SOBP: variants seen among roughly 807,000 people sequenced by gnomAD.
SOBP encodes the protein sine oculis-binding protein homolog.
A neutral mutation model predicts 53.6 loss-of-function variants in SOBP; 4 were observed. That is an observed-to-expected ratio of 0.07 (90% CI 0.04 to 0.17). SOBP has a LOEUF of 0.17. Ranked by LOEUF, SOBP falls within the 10% of genes least tolerant of loss-of-function variation. SOBP has a pLI of 1.00. For synonymous variants in SOBP, 584 were observed against 522.6 expected (o/e 1.12, Z -1.60); for missense variants, 1,088 against 1,204.7 (o/e 0.90, Z 1.43).
intron 5 of SOBP, among the ~76,000 whole-genome samples, chr6:107,605,715 A>G (rs1041064689): frequency 1.3e-5 from 2 of 152,304 alleles, no homozygotes; most frequent in Admixed American, 1.3e-4. Context: ...TACAGCTCTC[A>G]TGGCTGTGGC....
chr6:107,640,433 C>T (rs1407785244), intron 6 of SOBP, among the ~76,000 whole-genome samples: 1 of 152,168 alleles, frequency 6.6e-6, no homozygotes, highest in Non-Finnish European at 1.5e-5. Context: ...GTTAGCTTGT[C>T]TGTTGGGATG....
At chr6:107,537,872 G>A (rs1784047175) in intron 4 of SOBP, among the ~76,000 whole-genome samples, 1 of 151,642 alleles carries the variant, frequency 6.6e-6, no homozygotes, top group Non-Finnish European at 1.5e-5. Context: ...TGATATTGTG[G>A]TTCCCCAGCA....
intron 6 of SOBP, among the ~76,000 whole-genome samples, chr6:107,649,423 G>T (rs1025276926): frequency 1.3e-4 from 20 of 151,984 alleles, no homozygotes; most frequent in Admixed American, 5.9e-4. Flanking sequence ...GCTGCAGTGA[G>T]CCATGATGGT....
In SOBP at chr6:107,634,967, C is replaced by G; in HGVS notation, c.2123C>G (p.Pro708Arg). The G allele has an allele frequency of 9.8e-7, 1 of 1,016,954 alleles. No homozygotes were observed. The highest frequency in any genetic ancestry group is 1.2e-6 in the Non-Finnish European group (1 of 853,066). 63.0% of individuals were successfully genotyped at this position (1,016,954 alleles called of 1,614,324 possible). A position where few individuals can be genotyped will look rare whatever the true frequency, so the allele number is the denominator to read the frequency against. Residue 708 changes from proline (P) to arginine (R), a missense_variant, in exon 6 of 7, where the codon CCG becomes CGG. Coordinates refer to ENST00000317357, the MANE Select transcript of SOBP (RefSeq NM_018013.4). This position sits in a 1 kb window ranked among gnomAD's most constrained non-coding sequence, Gnocchi z 4.5. ...CSPPAAGDPG[P>R]GAPAGPEAAA... Reference sequence around the variant, plus strand: ...CCGCCCGCCGCCGGCGACCCAGGCCCGGGCGCCCCGGCGGGCCCCGAGGCG... The same window carrying G: ...CCGCCCGCCGCCGGCGACCCAGGCCGGGGCGCCCCGGCGGGCCCCGAGGCG...
chr6:107,505,109 A>G (rs1782945168), intron 2 of SOBP, among the ~76,000 whole-genome samples: 1 of 152,050 alleles, frequency 6.6e-6, no homozygotes, highest in Admixed American at 6.5e-5. Context: ...TTTAATGGGT[A>G]TTATCGATAC....
intron 4 of SOBP, among the ~76,000 whole-genome samples, chr6:107,545,959 G>T (rs1257942087): frequency 6.6e-6 from 1 of 152,134 alleles, no homozygotes. Flanking sequence ...ATATACCTCT[G>T]AGCCAAAAAC....
In SOBP at chr6:107,509,410, AC is replaced by A. The variant is rs749849089; in HGVS notation, c.421+2984del. Among the ~76,000 whole-genome samples the A allele has an allele frequency of 6.0e-4, 91 of 151,040 alleles. No homozygotes were observed. In the East Asian group the frequency reaches 6.4e-3, roughly 11 times the overall value. On this transcript the variant is annotated intron_variant, in intron 3 of 6. Transcript: ENST00000317357. Reference sequence around the variant, plus strand: ...ACTCCTGTCTCAAAAAAAAAAAAAAACAAAACAAAAAAGAAAATGTGTGTAA... The same window carrying A: ...ACTCCTGTCTCAAAAAAAAAAAAAAAAAAACAAAAAAGAAAATGTGTGTAA...
At chr6:107,505,569 C>T (rs1330912216) in intron 2 of SOBP, among the ~76,000 whole-genome samples, 2 of 151,920 alleles carry the variant, frequency 1.3e-5, no homozygotes, top group Admixed American at 6.6e-5. Flanking sequence ...GTGATTTGCC[C>T]GCCTTGGCTA....
intron 6 of SOBP, among the ~76,000 whole-genome samples, chr6:107,657,012 A>G (rs1772096209): frequency 6.6e-6 from 1 of 152,258 alleles, no homozygotes; most frequent in Admixed American, 6.5e-5. Flanking sequence ...GGGGCATGGC[A>G]GAAGAGAGGC....
At chr6:107,651,934 C>A (rs990278431) in intron 6 of SOBP, among the ~76,000 whole-genome samples, 6 of 152,214 alleles carry the variant, frequency 3.9e-5, no homozygotes, top group African/African-American at 1.4e-4. Context: ...ATATTTTAAA[C>A]CCACTGTTGA....
chr6:107,506,520 G>C, intron 3 of SOBP, 93 bp downstream of exon 3: 1 of 1,427,624 alleles, frequency 7.0e-7, no homozygotes, highest in African/African-American at 1.4e-5. Flanking sequence ...AGTTAACTTT[G>C]GTAGAGGCTG....
At chr6:107,493,494 C>G (rs998852801) in intron 1 of SOBP, among the ~76,000 whole-genome samples, 1 of 152,270 alleles carries the variant, frequency 6.6e-6, no homozygotes, top group East Asian at 1.9e-4. Context: ...GGAGGCCCCC[C>G]TTAGGGAGAT....
At chr6:107,615,013 G>T (rs143130895) in intron 5 of SOBP, among the ~76,000 whole-genome samples, 1 of 152,126 alleles carries the variant, frequency 6.6e-6, no homozygotes, top group East Asian at 1.9e-4. Flanking sequence ...ACCTACTGGC[G>T]TCTCTCTTTT....
chr6:107,629,151 C>T (rs1770591520), intron 5 of SOBP, among the ~76,000 whole-genome samples: 2 of 151,542 alleles, frequency 1.3e-5, no homozygotes, highest in Admixed American at 6.6e-5. Context: ...AGTAGACAGT[C>T]AGATGAAGTG....
At chr6:107,508,779 C>T (rs1242532958) in intron 3 of SOBP, among the ~76,000 whole-genome samples, 2 of 151,998 alleles carry the variant, frequency 1.3e-5, no homozygotes, top group East Asian at 1.9e-4. Context: ...CATTTATTTC[C>T]CAAGGACCAA....
intron 5 of SOBP, among the ~76,000 whole-genome samples, chr6:107,631,531 G>A (rs922105197): frequency 1.5e-4 from 23 of 151,906 alleles, no homozygotes; most frequent in African/African-American, 5.6e-4. Flanking sequence ...AAAATTTGAG[G>A]GTCTGATGGA....
At chr6:107,638,634 G>A (rs1363596612) in intron 6 of SOBP, among the ~76,000 whole-genome samples, 2 of 152,182 alleles carry the variant, frequency 1.3e-5, no homozygotes, top group Non-Finnish European at 1.5e-5. Context: ...TATGGCTTTT[G>A]TGCCCTGATG....
chr6:107,656,554 A>G (rs188038387), intron 6 of SOBP, among the ~76,000 whole-genome samples: 2 of 152,120 alleles, frequency 1.3e-5, no homozygotes, highest in Admixed American at 1.3e-4. Context: ...ATTTAATGTG[A>G]TTGGGGGAAC....
intron 4 of SOBP, among the ~76,000 whole-genome samples, chr6:107,573,090 G>A (rs1283156351): frequency 6.6e-6 from 1 of 152,164 alleles, no homozygotes; most frequent in Non-Finnish European, 1.5e-5. Flanking sequence ...TTTTGAGGGA[G>A]CGAAATGGAT....
Sources: gnomAD v4.1 joint callset for allele counts (sites outside exome capture counted in the v4.1 genomes callset) on GRCh38, gnomAD v4.1.1 for gene constraint, Gnocchi (gnomAD v3.1) non-coding constraint, MANE v1.5 for transcripts, NCBI Gene and HGNC (gene_info 2026-07-23, HGNC 2026-07-21) for gene names.